The following DISP1 variants were observed in gnomAD, a reference collection of about 807,000 sequenced individuals.
DISP1 encodes the protein dispatched RND transporter family member 1, also known as protein dispatched homolog 1.
Under a neutral mutation model 37.3 loss-of-function variants are expected in DISP1, and 30 were observed. That is an observed-to-expected ratio of 0.80 (90% CI 0.60 to 1.09). The LOEUF (loss-of-function observed/expected upper bound fraction) is 1.09, where lower values mean the gene tolerates loss of function less well. DISP1 is among the 50% of genes least tolerant of loss of function. The probability of loss-of-function intolerance (pLI) is 0.00; values close to 1 mark genes in which losing one functional copy is unlikely to be tolerated. For missense variants in DISP1, 1,598 were observed against 1,879.5 expected, an observed-to-expected ratio of 0.85 and a Z score of 2.77; for synonymous variants, 634 against 690.2, an observed-to-expected ratio of 0.92 and a Z score of 1.28.
intron 3 of DISP1, among the ~76,000 whole-genome samples, chr1:222,973,711 C>G (rs1677114867): frequency 6.6e-6 from 1 of 152,186 alleles, no homozygotes; most frequent in Non-Finnish European, 1.5e-5. Context: ...CTCTTGTGCA[C>G]AAGTGCCATT....
At chr1:222,998,993 C>T (rs1679263964) in intron 8 of DISP1, among the ~76,000 whole-genome samples, 1 of 152,102 alleles carries the variant, frequency 6.6e-6, no homozygotes, top group Non-Finnish European at 1.5e-5. Flanking sequence ...TCAATTGAAC[C>T]TGGTATTAAG....
At chr1:222,987,202 A>T (rs1301658498) in intron 4 of DISP1, among the ~76,000 whole-genome samples, 1 of 151,922 alleles carries the variant, frequency 6.6e-6, no homozygotes, top group African/African-American at 2.4e-5. Flanking sequence ...TGCGCAGGCA[A>T]CTCTGTTTCC....
intron 1 of DISP1, among the ~76,000 whole-genome samples, chr1:222,911,939 C>T (rs1181434482): frequency 1.3e-5 from 2 of 152,122 alleles, no homozygotes; most frequent in Non-Finnish European, 2.9e-5. Flanking sequence ...TTATGAACTA[C>T]AAGTGGACTA....
rs999218801 is a variant in DISP1, at chr1:223,004,963, A to G, written c.3566A>G (p.His1189Arg). The change falls in exon 9 of 9, where the codon CAT becomes CGT. Residue 1189 changes from histidine to arginine, a missense_variant. By Grantham distance (29) the His-to-Arg change is conservative. Transcript: ENST00000675850. This position sits in a 1 kb window ranked among gnomAD's most constrained non-coding sequence, Gnocchi z 4.9. ...DPRGPKSELE[H>R]EFYELEPLAS... ...AGGGGCCCAAAATCTGAACTGGAGCATGAGTTTTATGAATTAGAACCTCTG... is the reference window on the plus strand; with the variant it reads ...AGGGGCCCAAAATCTGAACTGGAGCGTGAGTTTTATGAATTAGAACCTCTG... 1.3e-5 allele frequency: 21 copies of G among 1,613,814 alleles called. No individual in the cohort carries two copies. Among genetic ancestry groups the G allele is most frequent in the Non-Finnish European group, 1.8e-5 (21 of 1,180,040 alleles).
intron 1 of DISP1, among the ~76,000 whole-genome samples, chr1:222,880,013 C>G (rs114355211): frequency 0.014 from 2,165 of 151,966 alleles, 53 homozygotes; most frequent in African/African-American, 0.05. Flanking sequence ...AAAAGTCTTG[C>G]ATCAAAGGTA....
intron 1 of DISP1, among the ~76,000 whole-genome samples, chr1:222,862,933 AC>A (rs756174536): frequency 6.6e-6 from 1 of 152,146 alleles, no homozygotes; most frequent in Non-Finnish European, 1.5e-5. Context: ...TTAATCTGGA[AC>A]AGTACTCTAG....
At chr1:222,816,317 A>T (rs921734457) in intron 1 of DISP1, among the ~76,000 whole-genome samples, 7 of 152,136 alleles carry the variant, frequency 4.6e-5, no homozygotes, top group Admixed American at 6.5e-5. Context: ...TACATAATAT[A>T]GTGTTTCACT....
At chr1:222,882,214 A>T (rs529175417) in intron 1 of DISP1, among the ~76,000 whole-genome samples, 98 of 152,272 alleles carry the variant, frequency 6.4e-4, no homozygotes, top group African/African-American at 2.2e-3. Context: ...ATATGTATTC[A>T]TGTTGTGAGA....
chr1:222,974,632 G>A (rs1362066707), intron 3 of DISP1, among the ~76,000 whole-genome samples: 6 of 152,036 alleles, frequency 3.9e-5, no homozygotes, highest in African/African-American at 1.2e-4. Flanking sequence ...TCAGCATCTC[G>A]TAAGCATTTA....
intron 1 of DISP1, among the ~76,000 whole-genome samples, chr1:222,864,739 T>C (rs1021369261): frequency 6.6e-6 from 1 of 152,202 alleles, no homozygotes; most frequent in Non-Finnish European, 1.5e-5. Flanking sequence ...AATATGTTCT[T>C]CATTTGAATT....
intron 2 of DISP1, among the ~76,000 whole-genome samples, chr1:222,933,927 CTA>C (rs1172056189): frequency 6.6e-6 from 1 of 151,996 alleles, no homozygotes; most frequent in Non-Finnish European, 1.5e-5. Flanking sequence ...AGTCAATATA[CTA>C]TATGACAACA....
chr1:223,003,274 A>G lies in DISP1; in HGVS notation c.1877A>G (p.Asn626Ser), dbSNP rs1445610831. 1 of 1,614,222 alleles carries G rather than the reference A, an allele frequency of 6.2e-7. No individual in the cohort carries two copies. Among genetic ancestry groups the G allele is most frequent in the South Asian group, 1.1e-5 (1 of 91,086 alleles). The change falls in exon 9 of 9, where the codon AAC becomes AGC. Residue 626 changes from asparagine to serine, a missense_variant. Transcript: ENST00000675850. The surrounding 1 kb of genome is among the most constrained non-coding windows in gnomAD (Gnocchi z 4.3). The part of the protein sequence containing the change: ...AAAFYANYVS[N>S]ITAIRCFGVY... The stretch of plus-strand genomic sequence containing the variant: ...GCCTTTTATGCTAACTATGTTAGCA[A>G]CATTACAGCAATCCGATGCTTTGGG...
At chr1:222,879,656 G>A (rs191488622) in intron 1 of DISP1, among the ~76,000 whole-genome samples, 7 of 152,178 alleles carry the variant, frequency 4.6e-5, no homozygotes, top group African/African-American at 1.7e-4. Flanking sequence ...CTGTAGGTGG[G>A]TGAAGAAAGA....
intron 1 of DISP1, among the ~76,000 whole-genome samples, chr1:222,926,144 C>T (rs1003588147): frequency 1.3e-5 from 2 of 152,164 alleles, no homozygotes; most frequent in African/African-American, 4.8e-5. Flanking sequence ...ATGGATTTGC[C>T]TCTGCTGGAT....
chr1:222,950,923 G>A (rs764762069), intron 3 of DISP1, among the ~76,000 whole-genome samples: 3 of 152,122 alleles, frequency 2.0e-5, no homozygotes, highest in African/African-American at 7.2e-5. Context: ...CTTTTAATTC[G>A]GTGTTGCAAA....
intron 1 of DISP1, among the ~76,000 whole-genome samples, chr1:222,924,400 GGA>G (rs1482484779): frequency 6.6e-6 from 1 of 152,120 alleles, no homozygotes; most frequent in Non-Finnish European, 1.5e-5. Context: ...TTGTAGATAA[GGA>G]GACTGTAACC....
At chr1:222,918,838 G>A (rs757952348) in intron 1 of DISP1, among the ~76,000 whole-genome samples, 7 of 152,266 alleles carry the variant, frequency 4.6e-5, no homozygotes, top group Non-Finnish European at 1.0e-4. Context: ...CAAAGAGGCA[G>A]AAGCTGAGAT....
At chr1:222,871,873 A>G (rs2125346401) in intron 1 of DISP1, among the ~76,000 whole-genome samples, 1 of 152,314 alleles carries the variant, frequency 6.6e-6, no homozygotes, top group African/African-American at 2.4e-5. Context: ...GCCAGTTTTC[A>G]AAGGGAATAC....
intron 8 of DISP1, among the ~76,000 whole-genome samples, chr1:223,002,071 CTAAG>C (rs1250306248): frequency 6.6e-6 from 1 of 152,120 alleles, no homozygotes; most frequent in East Asian, 1.9e-4. Context: ...GGCTTGTTGA[CTAAG>C]TAGGTGTTAA....
Sources: allele counts gnomAD v4.1 joint callset (sites outside exome capture counted in the v4.1 genomes callset), GRCh38; gene constraint gnomAD v4.1.1; non-coding constraint Gnocchi (gnomAD v3.1); transcripts MANE v1.5; gene names NCBI Gene and HGNC (gene_info 2026-07-23, HGNC 2026-07-21).